YAE1: variants seen among roughly 807,000 people sequenced by gnomAD.
YAE1 encodes the protein YAE1 maturation factor of ABCE1.
Under a neutral mutation model 23.0 loss-of-function variants are expected in YAE1, and 22 were observed. That is an observed-to-expected ratio of 0.96 (90% CI 0.68 to 1.37). The LOEUF is 1.37. Ranked by LOEUF, YAE1 falls within the 40% of genes most tolerant of loss-of-function variation. The pLI is 0.00. For missense variants in YAE1, 260 were observed against 262.1 expected (o/e 0.99, Z 0.06); for synonymous variants, 101 against 97.0 (o/e 1.04, Z -0.24).
chr7:39,610,774 T>C (rs1277923601), downstream of YAE1, among the ~76,000 whole-genome samples: 3 of 152,212 alleles, frequency 2.0e-5, no homozygotes, highest in Non-Finnish European at 4.4e-5. Flanking sequence ...ACTATATAAA[T>C]TGTAACAGTG....
chr7:39,610,095 A>G, exon 3 of YAE1: 1 of 1,300,764 alleles, frequency 7.7e-7, no homozygotes. Flanking sequence ...GGACCAGCCC[A>G]CCTTGGCCCT....
intron 2 of YAE1, among the ~76,000 whole-genome samples, chr7:39,606,058 T>A (rs1562598000): frequency 6.6e-6 from 1 of 151,896 alleles, no homozygotes; most frequent in Non-Finnish European, 1.5e-5. Flanking sequence ...TTTTTTTTTT[T>A]AGAAATTCTC....
intron 2 of YAE1, among the ~76,000 whole-genome samples, chr7:39,604,889 GA>G (rs1791106167): frequency 6.6e-6 from 1 of 152,074 alleles, no homozygotes; most frequent in Non-Finnish European, 1.5e-5. Context: ...TTTAACTTGG[GA>G]AAAAAGTGTT....
At chr7:39,609,838 G>C in exon 3 of YAE1, 7 of 1,533,204 alleles carry the variant, frequency 4.6e-6, no homozygotes, top group Non-Finnish European at 6.1e-6. Flanking sequence ...CCAGGCCCTG[G>C]GACGCCGAGC....
intron 2 of YAE1, among the ~76,000 whole-genome samples, chr7:39,606,019 C>T (rs1791125210): frequency 6.6e-6 from 1 of 151,438 alleles, no homozygotes; most frequent in Non-Finnish European, 1.5e-5. Context: ...AGGTCTTTTG[C>T]CCTACCCCCA....
Position 39,572,619 on chromosome 7 carries a change from C to T in YAE1, c.594C>T (p.Ser198=). Residue 198 remains serine, a synonymous_variant, in exon 3 of 3, where the codon AGC becomes AGT. Transcript: ENST00000223273. ...AGCATGCACATTCAGAAAACCCAAG[C>T]CCCACATGGATTTTGGAACAGACAG... The part of the protein sequence containing the change: ...TQEHAHSENP[S]PTWILEQTAS... 10 of 1,614,050 alleles carry T rather than the reference C, an allele frequency of 6.2e-6. No individual in the cohort carries two copies. The highest frequency in any genetic ancestry group is 8.5e-6 in the Non-Finnish European group (10 of 1,179,952).
At chr7:39,591,397 T>G (rs181573150) in intron 2 of YAE1, among the ~76,000 whole-genome samples, 294 of 152,358 alleles carry the variant, frequency 1.9e-3, no homozygotes, top group African/African-American at 6.9e-3. Flanking sequence ...TTTAAGCATT[T>G]TTTATGGGTC....
intron 2 of YAE1, among the ~76,000 whole-genome samples, chr7:39,589,844 G>A (rs539707503): frequency 6.6e-6 from 1 of 152,306 alleles, no homozygotes; most frequent in Non-Finnish European, 1.5e-5. Flanking sequence ...TTAGGAAACT[G>A]TGGTCTTATT....
intron 2 of YAE1, among the ~76,000 whole-genome samples, chr7:39,580,471 T>C (rs574665488): frequency 8.5e-5 from 13 of 152,376 alleles, no homozygotes; most frequent in South Asian, 6.2e-4. Context: ...TACCTACAGA[T>C]TGAGTTCTGC....
chr7:39,570,726 G>A, intron 2 of YAE1, 99 bp downstream of exon 2: 1 of 1,428,974 alleles, frequency 7.0e-7, no homozygotes. Flanking sequence ...GCTTTTCCTG[G>A]TGCTAAATAC....
chr7:39,569,488 C>G (rs35586222), intron 1 of YAE1: 34,820 of 496,880 alleles, frequency 0.07, 1,437 homozygotes, highest in East Asian at 0.12. Flanking sequence ...TCTTTATCCG[C>G]CTCTTGTTCT....
chr7:39,569,506 G>GT, intron 1 of YAE1: 1 of 497,502 alleles, frequency 2.0e-6, no homozygotes. Context: ...TCTTCCTCCA[G>GT]TTTTTTCAAA....
At chr7:39,598,325 G>A (rs928814888) in intron 2 of YAE1, among the ~76,000 whole-genome samples, 3 of 151,612 alleles carry the variant, frequency 2.0e-5, no homozygotes, top group African/African-American at 7.3e-5. Flanking sequence ...GGCCAGGCTG[G>A]TCTCAAACTC....
chr7:39,610,280 A>T, exon 3 of YAE1: 1 of 512,610 alleles, frequency 2.0e-6, no homozygotes. Flanking sequence ...ATGTGTCTTG[A>T]AGCTTTTTGT....
At chr7:39,604,796 A>T (rs903012703) in intron 2 of YAE1, among the ~76,000 whole-genome samples, 1 of 152,236 alleles carries the variant, frequency 6.6e-6, no homozygotes, top group African/African-American at 2.4e-5. Flanking sequence ...AGTTTAAGGT[A>T]TCACATTTTA....
At chr7:39,578,763 G>A (rs1481285346) in intron 2 of YAE1, among the ~76,000 whole-genome samples, 2 of 152,218 alleles carry the variant, frequency 1.3e-5, no homozygotes, top group Non-Finnish European at 2.9e-5. Context: ...AGGGTCTGCA[G>A]CTTCATTCTT....
intron 2 of YAE1, among the ~76,000 whole-genome samples, chr7:39,580,486 G>A (rs995380496): frequency 2.6e-5 from 4 of 152,234 alleles, no homozygotes; most frequent in African/African-American, 9.6e-5. Flanking sequence ...TTCTGCGGAA[G>A]TTGAATCCTG....
chr7:39,605,229 T>C (rs562173685), intron 2 of YAE1, among the ~76,000 whole-genome samples: 1 of 152,278 alleles, frequency 6.6e-6, no homozygotes, highest in East Asian at 1.9e-4. Context: ...CAACCTACTA[T>C]GAGGTAGGTT....
intron 2 of YAE1, among the ~76,000 whole-genome samples, chr7:39,589,733 A>T (rs1159882580): frequency 6.6e-6 from 1 of 152,210 alleles, no homozygotes; most frequent in Non-Finnish European, 1.5e-5. Flanking sequence ...CATCTCCATT[A>T]CAAAATGCTC....
Sources: gnomAD v4.1 joint callset for allele counts (sites outside exome capture counted in the v4.1 genomes callset) on GRCh38, gnomAD v4.1.1 for gene constraint, MANE v1.5 for transcripts, NCBI Gene and HGNC (gene_info 2026-07-23, HGNC 2026-07-21) for gene names.